Variants in STRIP1 observed in about 807,000 individuals in gnomAD.
STRIP1 encodes the protein striatin interacting protein 1.
In STRIP1, 63 loss-of-function variants were observed where a neutral mutation model predicts 106.2. That is an observed-to-expected ratio of 0.59 (90% confidence interval 0.48 to 0.73). STRIP1 has a LOEUF of 0.73. Among genes scored for constraint, STRIP1 ranks in the 30% least tolerant of loss-of-function variants. The pLI, the probability that STRIP1 is intolerant of heterozygous loss-of-function variation, is 0.00. For synonymous variants in STRIP1, 390 were observed against 413.0 expected, an observed-to-expected ratio of 0.94 and a Z score of 0.67; for missense variants, 857 against 1,074.8, an observed-to-expected ratio of 0.80 and a Z score of 2.83.
At chr1:110,052,906 C>A (rs10857809) in intron 20 of STRIP1, among the ~76,000 whole-genome samples, 36,399 of 152,160 alleles carry the variant, frequency 0.24, 4,615 homozygotes, top group South Asian at 0.47. Context: ...TGTGCTGTTA[C>A]CTCCCTGAGT....
At chr1:110,034,532 C>A, upstream of STRIP1, 1 of 1,355,968 alleles carries the variant, frequency 7.4e-7, no homozygotes, top group Non-Finnish European at 9.6e-7. Flanking sequence ...TAACACTGGC[C>A]GCCACACTTA....
intron 9 of STRIP1, 145 bp downstream of exon 9, chr1:110,043,415 C>A: frequency 1.0e-6 from 1 of 977,554 alleles, no homozygotes. Flanking sequence ...GATACTTTGT[C>A]CCCAGCTCTG....
chr1:110,049,334 A>C, intron 16 of STRIP1, 96 bp downstream of exon 16: 1 of 1,584,978 alleles, frequency 6.3e-7, no homozygotes, highest in Admixed American at 1.7e-5. Context: ...CCTTTGACCC[A>C]CTTGAACTCT....
At position 110,034,659 on chromosome 1, in the gene STRIP1, C is replaced by G; in HGVS notation, c.22C>G (p.Pro8Ala). 1 of 1,522,106 alleles carries G rather than the reference C, an allele frequency of 6.6e-7. No individual in the cohort carries two copies. 94.3% of individuals were successfully genotyped at this position (1,522,106 alleles called of 1,614,324 possible). Residue 8 changes from proline (P) to alanine (A), a missense_variant, in exon 1 of 21, where the codon CCG becomes GCG. Around this residue, in one of 2 missense-constraint regions of STRIP1, gnomAD observed 107 missense variants for 85.1 expected, o/e 1.26. Coordinates refer to ENST00000369795, the MANE Select transcript of STRIP1 (RefSeq NM_033088.4). MEPAVGGPGPLIVNNKQP... is the reference protein window; with the variant it reads MEPAVGGAGPLIVNNKQP... ...CAAGATGGAGCCGGCAGTCGGCGGT[C>G]CGGGCCCACTGATCGTGAACAACAA...
In STRIP1 at chr1:110,051,759, T is replaced by A; in HGVS notation, c.2138T>A (p.Val713Glu). ...KVKQAMMQLY[V>E]LKLLKVQTKY... is the part of the protein sequence containing the mutation. Reference sequence around the variant, plus strand: ...AAACAAGCCATGATGCAGCTCTATGTGCTGAAGCTGCTCAAGGTACAGACC... The same window carrying A: ...AAACAAGCCATGATGCAGCTCTATGAGCTGAAGCTGCTCAAGGTACAGACC... Residue 713 changes from valine (V) to glutamate (E), a missense_variant, in exon 20 of 21, where the codon GTG (valine) becomes GAG (glutamate). Physicochemically the swap from Val to Glu is moderately radical, Grantham distance 121. Coordinates refer to ENST00000369795, the MANE Select transcript of STRIP1 (RefSeq NM_033088.4). The A allele has an allele frequency of 1.2e-6, 2 of 1,613,912 alleles. No individual in the cohort carries two copies. The highest frequency in any genetic ancestry group is 1.7e-6 in the Non-Finnish European group (2 of 1,180,028).
intron 3 of STRIP1, 76 bp downstream of exon 3, chr1:110,038,833 A>G (rs1652620348): frequency 3.7e-6 from 5 of 1,341,548 alleles, no homozygotes; most frequent in Non-Finnish European, 4.3e-6. Context: ...AGGCATCTGA[A>G]TGACCTGAGT....
In STRIP1 at chr1:110,041,873, C is replaced by G; in HGVS notation, c.885+12C>G. ...GGAAGACAGTATTGGTGAGCACCTCCTTGGAGGAGGAGAACGGTGCTATGG... is the reference window on the plus strand; with the variant it reads ...GGAAGACAGTATTGGTGAGCACCTCGTTGGAGGAGGAGAACGGTGCTATGG... On this transcript the variant is annotated intron_variant, in intron 8 of 20. Coordinates refer to ENST00000369795, the MANE Select transcript of STRIP1 (RefSeq NM_033088.4). 1 of 1,613,694 alleles carries G rather than the reference C, an allele frequency of 6.2e-7. No individual in the cohort carries two copies. Among genetic ancestry groups the G allele is most frequent in the South Asian group, 1.1e-5 (1 of 91,042 alleles).
chr1:110,047,668 C>A (rs757694941), intron 14 of STRIP1, 52 bp downstream of exon 14: 1 of 1,566,092 alleles, frequency 6.4e-7, no homozygotes. Context: ...TTAGAGCAGG[C>A]CCTGCCGTCC....
chr1:110,039,069 C>T (rs1652631285), intron 3 of STRIP1, 103 bp from the exon 4 acceptor site: 1 of 1,354,838 alleles, frequency 7.4e-7, no homozygotes, highest in Non-Finnish European at 1.0e-6. Context: ...TGTAACTTAT[C>T]TTTCTGGTCC....
rs774860086 is a variant in STRIP1, at chr1:110,043,152, T to TC, written c.956dup (p.Leu320AlafsTer3). 1.2e-6 allele frequency: 2 copies of TC among 1,613,854 alleles called. No homozygotes were observed. Reference sequence around the variant, plus strand: ...GCTGAGAAGCGCAGCATCCTGGGCCTCCCCCCGCTTCCTGAGGACAGCATC... The same window carrying TC: ...GCTGAGAAGCGCAGCATCCTGGGCCTCCCCCCCGCTTCCTGAGGACAGCATC... On this transcript the variant is annotated frameshift_variant, in exon 9 of 21. Transcript: ENST00000369795. LOFTEE classifies it high-confidence loss of function.
Position 110,037,054 on chromosome 1 carries a change from C to T in STRIP1, c.181-837C>T, listed in dbSNP as rs189386476. 1.6e-4 allele frequency among the ~76,000 whole-genome samples: 24 copies of T among 152,216 alleles called. No homozygotes were observed. The East Asian group carries it at 4.6e-3, about 29-fold the overall frequency. ...TTTACCATGTTGGCCAGGCTGGTTTCAAAGTCCTGACCTCAAATGACCCGC... is the reference window on the plus strand; with the variant it reads ...TTTACCATGTTGGCCAGGCTGGTTTTAAAGTCCTGACCTCAAATGACCCGC... On this transcript the variant is annotated intron_variant, in intron 1 of 20. Coordinates refer to ENST00000369795, the MANE Select transcript of STRIP1 (RefSeq NM_033088.4).
chr1:110,041,972 T>C lies in STRIP1; in HGVS notation c.885+111T>C, dbSNP rs572651236. Reference sequence around the variant, plus strand: ...TTATGTGACTGTAAAACTGCTTTGGTAAAAAAAATTATTTAAAAAGCTGCT... The same window carrying C: ...TTATGTGACTGTAAAACTGCTTTGGCAAAAAAAATTATTTAAAAAGCTGCT... On this transcript the variant is annotated intron_variant, in intron 8 of 20. Coordinates refer to ENST00000369795, the MANE Select transcript of STRIP1 (RefSeq NM_033088.4). 16 of 1,243,742 alleles carry C rather than the reference T, an allele frequency of 1.3e-5. No individual in the cohort carries two copies. The African/African-American group carries it at 1.8e-4, about 14-fold the overall frequency. 77.0% of individuals were successfully genotyped at this position (1,243,742 alleles called of 1,614,324 possible).
intron 8 of STRIP1, among the ~76,000 whole-genome samples, chr1:110,042,604 C>T (rs1458568075): frequency 6.6e-6 from 1 of 152,230 alleles, no homozygotes; most frequent in Non-Finnish European, 1.5e-5. Context: ...TGCTCAGAAA[C>T]AGTAAAACTA....
chr1:110,049,331 C>G lies in STRIP1; in HGVS notation c.1788+93C>G. On this transcript the variant is annotated intron_variant, in intron 16 of 20. Transcript: ENST00000369795. ...CAAGAACGGGGGCCTTGGCCTTTGA[C>G]CCACTTGAACTCTGCATGAATGTTC... 1.9e-6 allele frequency: 3 copies of G among 1,584,710 alleles called. No homozygotes were observed. In the African/African-American group the frequency reaches 4.0e-5, roughly 21 times the overall value.
rs966008177 is a variant in STRIP1, at chr1:110,042,993, C to T, written c.886-95C>T. 5 of 1,244,360 alleles carry T rather than the reference C, an allele frequency of 4.0e-6. No homozygotes were observed. The African/African-American group carries it at 7.5e-5, about 19-fold the overall frequency. The allele number at this position is 1,244,360 out of a possible 1,614,324, so 77.1% of individuals were successfully genotyped here. A position where few individuals can be genotyped will look rare whatever the true frequency, so the allele number is the denominator to read the frequency against. The stretch of plus-strand genomic sequence containing the variant: ...CCTGGGTCTCTATAAAGACATGGGT[C>T]ATGATGTCATGAATGTTTCTGAGCC... On this transcript the variant is annotated intron_variant, in intron 8 of 20. Transcript: ENST00000369795.
chr1:110,048,150 C>T, intron 15 of STRIP1: 1 of 390,632 alleles, frequency 2.6e-6, no homozygotes, highest in South Asian at 2.8e-5. Flanking sequence ...ATGGGGCCAC[C>T]CTGGACATTT....
rs763010378 is a variant in STRIP1 at position 110,041,572 on chromosome 1, C to G, written c.687C>G (p.Thr229=). 1.2e-6 allele frequency: 2 copies of G among 1,614,098 alleles called. No homozygotes were observed. Among genetic ancestry groups the G allele is most frequent in the South Asian group, 2.2e-5 (2 of 91,064 alleles). ...ACATCATGTACCTGATAGTGGAGAC[C>G]GTTCATCAGGAGTGTGAGGGTGACA... The part of the protein sequence containing the change: ...LLNIMYLIVE[T]VHQECEGDKA... Residue 229 remains threonine (T), a synonymous_variant, in exon 7 of 21, where the codon ACC becomes ACG. Transcript: ENST00000369795.
intron 2 of STRIP1, 124 bp from the exon 3 acceptor site, chr1:110,038,559 G>A: frequency 1.4e-6 from 1 of 692,304 alleles, no homozygotes; most frequent in South Asian, 1.8e-5. Flanking sequence ...GCTTATTCCA[G>A]GAGTCACTAT....
At chr1:110,040,800 G>A in intron 6 of STRIP1, 97 bp downstream of exon 6, 1 of 981,080 alleles carries the variant, frequency 1.0e-6, no homozygotes, top group Non-Finnish European at 1.5e-6. Context: ...TGCTGTGTGT[G>A]CTTCTGTACA....
Sources: allele counts gnomAD v4.1 joint callset (sites outside exome capture counted in the v4.1 genomes callset), GRCh38; gene constraint gnomAD v4.1.1; regional missense constraint gnomAD v4.1.1; transcripts MANE v1.5; gene names NCBI Gene and HGNC (gene_info 2026-07-23, HGNC 2026-07-21).